The following KMT5B variants were observed in gnomAD, a reference collection of about 807,000 sequenced individuals.
KMT5B encodes the protein lysine methyltransferase 5B.
KMT5B carries 10 observed loss-of-function variants against 83.2 expected under a neutral mutation model. The ratio of observed to expected loss-of-function variants is 0.12; its 90% CI spans 0.07 to 0.20. The LOEUF (loss-of-function observed/expected upper bound fraction) is 0.20, where lower values mean the gene tolerates loss of function less well. Ranked by LOEUF, KMT5B falls within the 10% of genes least tolerant of loss-of-function variation. The probability of loss-of-function intolerance (pLI) is 1.00; values close to 1 mark genes in which losing one functional copy is unlikely to be tolerated. For synonymous variants in KMT5B, 349 were observed against 388.8 expected, an observed-to-expected ratio of 0.90 and a Z score of 1.20; for missense variants, 753 against 1,067.2, an observed-to-expected ratio of 0.71 and a Z score of 4.10.
chr11:68,167,733 C>T (rs1228727347), intron 9 of KMT5B, among the ~76,000 whole-genome samples: 1 of 152,166 alleles, frequency 6.6e-6, no homozygotes, highest in Non-Finnish European at 1.5e-5. Flanking sequence ...GCTGGATTTA[C>T]AGGCGTGAGC....
chr11:68,211,923 C>G (rs911390706), intron 1 of KMT5B, among the ~76,000 whole-genome samples: 1 of 152,134 alleles, frequency 6.6e-6, no homozygotes, highest in Non-Finnish European at 1.5e-5. Context: ...ATAAGGCGCT[C>G]CAAGAGGGAC....
chr11:68,167,038 C>T lies in KMT5B; in HGVS notation c.1118G>A (p.Ser373Asn), dbSNP rs1368061334. 2 of 1,613,998 alleles carry T rather than the reference C, an allele frequency of 1.2e-6. No individual in the cohort carries two copies. The highest frequency in any genetic ancestry group is 2.7e-5 in the African/African-American group (2 of 74,898). Reference sequence around the variant, plus strand: ...ATCAGTGTTAGAGCTGACAGATTGACTGTCTGAATTTTTGCTGCTGTCACC... The same window carrying T: ...ATCAGTGTTAGAGCTGACAGATTGATTGTCTGAATTTTTGCTGCTGTCACC... The part of the protein sequence containing the change: ...KLGDSSKNSD[S>N]QSVSSNTDAD... The change falls in exon 10 of 11, where the codon AGT becomes AAT. Residue 373 changes from serine to asparagine, a missense_variant. Coordinates refer to ENST00000304363, the MANE Select transcript of KMT5B (RefSeq NM_017635.5).
At chr11:68,194,969 G>A (rs1322869482) in intron 1 of KMT5B, among the ~76,000 whole-genome samples, 6 of 152,160 alleles carry the variant, frequency 3.9e-5, no homozygotes, top group African/African-American at 1.2e-4. Context: ...GAGGCCAGGA[G>A]TTCGAGACCA....
chr11:68,210,004 C>A (rs1245131403), intron 1 of KMT5B, among the ~76,000 whole-genome samples: 1 of 151,992 alleles, frequency 6.6e-6, no homozygotes, highest in Non-Finnish European at 1.5e-5. Context: ...GTAGCTGGGA[C>A]TACAGGCTAA....
At chr11:68,180,030 CTAATT>C (rs1194750166) in intron 4 of KMT5B, 97 bp downstream of exon 4, 60 of 1,351,318 alleles carry the variant, frequency 4.4e-5, no homozygotes, top group Non-Finnish European at 3.0e-6. Flanking sequence ...TTCTAAAACT[CTAATT>C]TATGCTGACA....
chr11:68,174,090 T>C, intron 5 of KMT5B, 177 bp from the exon 6 acceptor site: 1 of 657,888 alleles, frequency 1.5e-6, no homozygotes, highest in South Asian at 1.5e-5. Flanking sequence ...GCATGTACCT[T>C]TAGTGCCAGC....
At chr11:68,185,179 A>G (rs980013739) in intron 3 of KMT5B, among the ~76,000 whole-genome samples, 3 of 151,850 alleles carry the variant, frequency 2.0e-5, no homozygotes, top group African/African-American at 7.3e-5. Context: ...TGCTTGTCAG[A>G]TTTTTCTTTT....
At chr11:68,198,933 G>A (rs34833624) in intron 1 of KMT5B, among the ~76,000 whole-genome samples, 18,571 of 152,186 alleles carry the variant, frequency 0.12, 1,303 homozygotes, top group East Asian at 0.23. Flanking sequence ...GTTTCACCGT[G>A]TTAGCCAGGC....
chr11:68,171,756 A>G lies in KMT5B; in HGVS notation c.654-47T>C, dbSNP rs1353576639. On this transcript the variant is annotated intron_variant, in intron 6 of 10. Coordinates refer to ENST00000304363, the MANE Select transcript of KMT5B (RefSeq NM_017635.5). This position sits in a 1 kb window ranked among gnomAD's most constrained non-coding sequence, Gnocchi z 5.1. ...TTAAAAATTACTAGTAATTAAATAT[A>G]GTAAGGCTTCTTTTAATAAAATAAT... 1 of 1,392,668 alleles carries G rather than the reference A, an allele frequency of 7.2e-7. No homozygotes were observed. The highest frequency in any genetic ancestry group is 1.5e-5 in the African/African-American group (1 of 68,814). 86.3% of individuals were successfully genotyped at this position (1,392,668 alleles called of 1,614,324 possible).
chr11:68,172,514 T>G (rs1160514597), intron 6 of KMT5B, among the ~76,000 whole-genome samples: 1 of 152,008 alleles, frequency 6.6e-6, no homozygotes, highest in African/African-American at 2.4e-5. Flanking sequence ...GGATTACAGA[T>G]GAGCCACCAT....
In KMT5B at chr11:68,158,457, G is replaced by A. The variant is rs1184050101; in HGVS notation, c.1889C>T (p.Thr630Ile). Residue 630 changes from threonine (T) to isoleucine (I), a missense_variant, in exon 11 of 11, where the codon ACT becomes ATT. Physicochemically the swap from Thr to Ile is moderately conservative, Grantham distance 89. This residue lies in a region of KMT5B where 397 missense variants were observed against 395.9 expected (regional missense o/e 1.00). Coordinates refer to ENST00000304363, the MANE Select transcript of KMT5B (RefSeq NM_017635.5). ...TTTTCCAGGAGAATCGTGCACTGGAGTAGATTCCTCTATTTTTGCAAACTG... is the reference window on the plus strand; with the variant it reads ...TTTTCCAGGAGAATCGTGCACTGGAATAGATTCCTCTATTTTTGCAAACTG... ...VKQFAKIEES[T>I]PVHDSPGKDD... 9 of 1,614,002 alleles carry A rather than the reference G, an allele frequency of 5.6e-6. No homozygotes were observed. The African/African-American group carries it at 8.0e-5, about 14-fold the overall frequency.
chr11:68,190,008 A>G lies in KMT5B; in HGVS notation c.69T>C (p.Asn23=). Residue 23 remains asparagine, a synonymous_variant, in exon 2 of 11, where the codon AAT becomes AAC. Coordinates refer to ENST00000304363, the MANE Select transcript of KMT5B (RefSeq NM_017635.5). ...ATTTTGATTGATTCTGCTGATGGTCATTAGACAACTTGCCTCCATTTCTCC... is the reference window on the plus strand; with the variant it reads ...ATTTTGATTGATTCTGCTGATGGTCGTTAGACAACTTGCCTCCATTTCTCC... ...NGRRNGGKLS[N]DHQQNQSKLQ... 1.9e-6 allele frequency: 3 copies of G among 1,614,106 alleles called. No homozygotes were observed. The highest frequency in any genetic ancestry group is 2.5e-6 in the Non-Finnish European group (3 of 1,179,990).
At chr11:68,161,963 A>T (rs377003935) in intron 10 of KMT5B, among the ~76,000 whole-genome samples, 1 of 152,166 alleles carries the variant, frequency 6.6e-6, no homozygotes, top group African/African-American at 2.4e-5. Flanking sequence ...TCTCCTGACG[A>T]CGTCCCCTTT....
intron 2 of KMT5B, 148 bp from the exon 3 acceptor site, chr11:68,186,076 A>G (rs1247360469): frequency 1.5e-5 from 11 of 717,528 alleles, no homozygotes; most frequent in South Asian, 1.3e-4. Flanking sequence ...TAACCTTTGC[A>G]TAAGACAGAA....
chr11:68,209,267 A>G (rs1264285740), intron 1 of KMT5B, among the ~76,000 whole-genome samples: 4 of 152,234 alleles, frequency 2.6e-5, no homozygotes, highest in Admixed American at 6.5e-5. Context: ...CAACAAACTT[A>G]TGAAGAACCT....
At chr11:68,212,219 C>T (rs772919161) in intron 1 of KMT5B, among the ~76,000 whole-genome samples, 13 of 152,202 alleles carry the variant, frequency 8.5e-5, no homozygotes, top group Non-Finnish European at 1.9e-4. Context: ...TCCTCAACTA[C>T]ACTTTATATC....
intron 1 of KMT5B, among the ~76,000 whole-genome samples, chr11:68,190,984 T>C (rs375023165): frequency 3.3e-5 from 5 of 152,166 alleles, no homozygotes; most frequent in African/African-American, 1.2e-4. Context: ...AAGAAAATAA[T>C]AATATATTTT....
intron 2 of KMT5B, among the ~76,000 whole-genome samples, chr11:68,188,327 A>T (rs1260338292): frequency 6.7e-6 from 1 of 149,670 alleles, no homozygotes; most frequent in Non-Finnish European, 1.5e-5. Flanking sequence ...CCCGGCCCGT[A>T]ATGGCCATTT....
Position 68,158,499 on chromosome 11 carries a change from T to C in KMT5B, c.1847A>G (p.Gln616Arg). ...DTGMSKKKSR[Q>R]GKLVKQFAKI... ...TGCAAACTGTTTCACAAGTTTTCCT[T>C]GTCGTGACTTCTTTTTGGACATGCC... Residue 616 changes from glutamine to arginine, a missense_variant, in exon 11 of 11, where the codon CAA (glutamine) becomes CGA (arginine). Gln to Arg is a conservative substitution (Grantham distance 43). Coordinates refer to ENST00000304363, the MANE Select transcript of KMT5B (RefSeq NM_017635.5). 6.2e-7 allele frequency: 1 copy of C among 1,614,188 alleles called. No homozygotes were observed. The highest frequency in any genetic ancestry group is 8.5e-7 in the Non-Finnish European group (1 of 1,180,032).
Sources: allele counts gnomAD v4.1 joint callset (sites outside exome capture counted in the v4.1 genomes callset), GRCh38; gene constraint gnomAD v4.1.1; regional missense constraint gnomAD v4.1.1; non-coding constraint Gnocchi (gnomAD v3.1); transcripts MANE v1.5; gene names NCBI Gene and HGNC (gene_info 2026-07-23, HGNC 2026-07-21).